Variants in SEC24A observed in about 807,000 individuals in gnomAD.
SEC24A encodes protein transport protein Sec24A.
In SEC24A, 93 loss-of-function variants were observed where a neutral mutation model predicts 129.4. The ratio of observed to expected loss-of-function variants is 0.72; its 90% CI spans 0.61 to 0.85. The LOEUF is 0.85. SEC24A is among the 40% of genes least tolerant of loss of function. The probability of loss-of-function intolerance (pLI) is 0.00; values close to 1 mark genes in which losing one functional copy is unlikely to be tolerated. For synonymous variants in SEC24A, 460 were observed against 467.3 expected (o/e 0.98, Z 0.20); for missense variants, 1,264 against 1,307.4 (o/e 0.97, Z 0.51).
chr5:134,676,232 C>T, intron 7 of SEC24A, 107 bp downstream of exon 7: 1 of 692,466 alleles, frequency 1.4e-6, no homozygotes, highest in Non-Finnish European at 2.3e-6. Flanking sequence ...CTCTGCCCTC[C>T]ATGTTCAAGT....
Position 134,704,763 on chromosome 5 carries a change from A to G in SEC24A, c.2441-564A>G, listed in dbSNP as rs150813472. On this transcript the variant is annotated intron_variant, in intron 16 of 22. Transcript: ENST00000398844. Reference sequence around the variant, plus strand: ...GGCTGCAGTGAGTTATGATTGTGCCACTGCAGTCCTGCCTGGGCAACAGAA... The same window carrying G: ...GGCTGCAGTGAGTTATGATTGTGCCGCTGCAGTCCTGCCTGGGCAACAGAA... Among the ~76,000 whole-genome samples, 6 of 151,660 alleles carry G rather than the reference A, an allele frequency of 4.0e-5. No homozygotes were observed. In the South Asian group the frequency reaches 1.0e-3, roughly 26 times the overall value.
intron 1 of SEC24A, among the ~76,000 whole-genome samples, chr5:134,656,744 T>A (rs1163597735): frequency 3.3e-5 from 5 of 151,482 alleles, no homozygotes; most frequent in Non-Finnish European, 7.4e-5. Flanking sequence ...CCTCCCAAAG[T>A]GTTGGGATTA....
intron 10 of SEC24A, among the ~76,000 whole-genome samples, chr5:134,687,123 T>G (rs552230757): frequency 2.6e-5 from 4 of 152,292 alleles, no homozygotes; most frequent in South Asian, 4.1e-4. Flanking sequence ...TCACCCAGAT[T>G]CATCATCTTC....
intron 8 of SEC24A, among the ~76,000 whole-genome samples, chr5:134,680,683 G>T (rs1201249117): frequency 6.6e-6 from 1 of 150,426 alleles, no homozygotes; most frequent in Non-Finnish European, 1.5e-5. Context: ...TGGCTCTGTC[G>T]CCAGGCTGGA....
At position 134,674,715 on chromosome 5, in the gene SEC24A, T is replaced by C; in HGVS notation, c.918T>C (p.Gly306=). ...PPGYQNTTPP[G]ATGVPPSSLN... is the part of the protein sequence containing the mutation. ...GTTATCAGAACACAACACCACCTGG[T>C]GCAACTGGAGTACCACCCTCTTCCT... Residue 306 remains glycine, a synonymous_variant, in exon 5 of 23, where the codon GGT becomes GGC. Coordinates refer to ENST00000398844, the MANE Select transcript of SEC24A (RefSeq NM_021982.3). The C allele has an allele frequency of 6.2e-7, 1 of 1,614,102 alleles. No individual in the cohort carries two copies. The highest frequency in any genetic ancestry group is 8.5e-7 in the Non-Finnish European group (1 of 1,179,996).
chr5:134,667,446 C>T (rs377324347), intron 3 of SEC24A, among the ~76,000 whole-genome samples: 8 of 151,294 alleles, frequency 5.3e-5, no homozygotes, highest in East Asian at 2.0e-4. Flanking sequence ...GTCAGGAGAT[C>T]GAGACCATCC....
At chr5:134,703,332 A>G (rs960261318) in intron 15 of SEC24A, among the ~76,000 whole-genome samples, 2 of 151,816 alleles carry the variant, frequency 1.3e-5, no homozygotes, top group African/African-American at 4.8e-5. Context: ...CAGTGGCGCA[A>G]TCTTAGCTCA....
chr5:134,717,604 C>T (rs1165760912), intron 19 of SEC24A, among the ~76,000 whole-genome samples: 1 of 152,010 alleles, frequency 6.6e-6, no homozygotes, highest in East Asian at 1.9e-4. Context: ...ATAACTATTT[C>T]GTCATCTTCT....
intron 11 of SEC24A, among the ~76,000 whole-genome samples, chr5:134,690,099 A>G (rs1396539313): frequency 6.6e-6 from 1 of 151,972 alleles, no homozygotes; most frequent in Non-Finnish European, 1.5e-5. Flanking sequence ...GCTCGCTGCA[A>G]CCTCCACCTC....
intron 15 of SEC24A, among the ~76,000 whole-genome samples, chr5:134,698,369 C>A (rs1049309993): frequency 1.3e-5 from 2 of 152,042 alleles, no homozygotes; most frequent in African/African-American, 4.8e-5. Flanking sequence ...TTTGGGAGGC[C>A]AAGGCTGGTG....
chr5:134,649,565 T>C (rs1749980027), intron 1 of SEC24A, among the ~76,000 whole-genome samples: 1 of 152,086 alleles, frequency 6.6e-6, no homozygotes, highest in African/African-American at 2.4e-5. Context: ...CCGCAGGCCC[T>C]GAAGTGGGGT....
At chr5:134,656,775 C>T (rs1024193355) in intron 1 of SEC24A, among the ~76,000 whole-genome samples, 2 of 149,188 alleles carry the variant, frequency 1.3e-5, no homozygotes, top group Non-Finnish European at 3.0e-5. Context: ...CCACTGCATC[C>T]GACTTTTTTT....
At chr5:134,690,083 A>C (rs940937870) in intron 11 of SEC24A, among the ~76,000 whole-genome samples, 1 of 152,172 alleles carries the variant, frequency 6.6e-6, no homozygotes, top group Non-Finnish European at 1.5e-5. Flanking sequence ...CAATGGCGCC[A>C]TCTCGGCTCG....
At chr5:134,655,557 C>G (rs1750215607) in intron 1 of SEC24A, among the ~76,000 whole-genome samples, 2 of 137,976 alleles carry the variant, frequency 1.4e-5, no homozygotes, top group African/African-American at 4.9e-5. Context: ...GCCTCAGCCT[C>G]CTGAGTGATT....
intron 1 of SEC24A, among the ~76,000 whole-genome samples, chr5:134,654,917 C>T (rs1387223170): frequency 1.3e-5 from 2 of 151,996 alleles, no homozygotes; most frequent in Admixed American, 1.3e-4. Flanking sequence ...TGGGTTTCAC[C>T]ATTTGGCCAG....
Position 134,691,497 on chromosome 5 carries a change from G to A in SEC24A, c.1724-1105G>A, listed in dbSNP as rs112998510. On this transcript the variant is annotated intron_variant, in intron 11 of 22. Transcript: ENST00000398844. The stretch of plus-strand genomic sequence containing the variant: ...TCCCTTTTTAAAGGCACTGGTGTGG[G>A]CCTTCTTTTTTTTTTTTTTTGAGAC... Among the ~76,000 whole-genome samples, 538 of 144,088 alleles carry A rather than the reference G, an allele frequency of 3.7e-3. 3 individuals are homozygous for A. The highest frequency in any genetic ancestry group is 0.013 in the African/African-American group (514 of 38,874). The allele number at this position is 144,088 out of a possible 152,430, so 94.5% of individuals were successfully genotyped here. A position where few individuals can be genotyped will look rare whatever the true frequency, so the allele number is the denominator to read the frequency against.
intron 11 of SEC24A, among the ~76,000 whole-genome samples, chr5:134,691,081 G>A (rs1392672537): frequency 6.6e-6 from 1 of 151,888 alleles, no homozygotes; most frequent in East Asian, 1.9e-4. Flanking sequence ...TCAAACTCCT[G>A]GCCTCAAGTG....
intron 8 of SEC24A, among the ~76,000 whole-genome samples, chr5:134,680,150 T>C (rs2150086502): frequency 6.6e-6 from 1 of 152,250 alleles, no homozygotes; most frequent in East Asian, 1.9e-4. Context: ...GAAGGTTAGT[T>C]GAATGTAGTT....
chr5:134,690,977 A>T (rs1751627121), intron 11 of SEC24A, among the ~76,000 whole-genome samples: 1 of 151,506 alleles, frequency 6.6e-6, no homozygotes, highest in East Asian at 2.0e-4. Context: ...CAGCCTTCCG[A>T]GTAGCTGGGA....
Sources: allele counts gnomAD v4.1 joint callset (sites outside exome capture counted in the v4.1 genomes callset), GRCh38; gene constraint gnomAD v4.1.1; transcripts MANE v1.5; gene names NCBI Gene and HGNC (gene_info 2026-07-23, HGNC 2026-07-21).